The following FMNL2 variants were observed in gnomAD, a reference collection of about 807,000 sequenced individuals.
FMNL2 encodes formin-like protein 2.
Under a neutral mutation model 130.2 loss-of-function variants are expected in FMNL2, and 51 were observed. That is an observed-to-expected ratio of 0.39 (90% CI 0.31 to 0.49). FMNL2 has a LOEUF of 0.49. FMNL2 is among the 20% of genes least tolerant of loss of function. FMNL2 has a pLI of 0.85. For synonymous variants in FMNL2, 465 were observed against 467.1 expected (o/e 1.00, Z 0.06); for missense variants, 977 against 1,316.2 (o/e 0.74, Z 3.99).
intron 1 of FMNL2, among the ~76,000 whole-genome samples, chr2:152,363,300 A>G (rs1683290371): frequency 6.6e-6 from 1 of 152,254 alleles, no homozygotes; most frequent in Non-Finnish European, 1.5e-5. Flanking sequence ...TGTTTGGATT[A>G]TAACTAAATG....
intron 10 of FMNL2, among the ~76,000 whole-genome samples, chr2:152,610,195 A>G (rs1698601013): frequency 6.6e-6 from 1 of 152,196 alleles, no homozygotes; most frequent in Non-Finnish European, 1.5e-5. Flanking sequence ...ATTGTAGGTG[A>G]TTTAAATGTT....
intron 6 of FMNL2, among the ~76,000 whole-genome samples, chr2:152,566,372 G>T (rs544622158): frequency 2.3e-4 from 35 of 152,280 alleles, no homozygotes; most frequent in African/African-American, 6.3e-4. Context: ...GGCCTCGGGG[G>T]ATTTGCTGTT....
intron 1 of FMNL2, among the ~76,000 whole-genome samples, chr2:152,432,077 C>T (rs779320427): frequency 3.4e-5 from 5 of 148,152 alleles, no homozygotes; most frequent in Non-Finnish European, 5.9e-5. Flanking sequence ...TGTGTATATA[C>T]ACATACAATT....
At chr2:152,455,371 GAAAC>G (rs1688892034) in intron 1 of FMNL2, among the ~76,000 whole-genome samples, 1 of 152,126 alleles carries the variant, frequency 6.6e-6, no homozygotes, top group East Asian at 1.9e-4. Flanking sequence ...TGATGTGAAC[GAAAC>G]AAACAAATCA....
At position 152,626,676 on chromosome 2, in the gene FMNL2, C is replaced by G; in HGVS notation, c.2114C>G (p.Thr705Ser). The change falls in exon 17 of 26, where the codon ACT (threonine) becomes AGT (serine). Residue 705 changes from threonine (T) to serine (S), a missense_variant. By Grantham distance (58) the Thr-to-Ser change is moderately conservative. Around this residue, in one of 4 missense-constraint regions of FMNL2, gnomAD observed 689 missense variants for 995.9 expected, o/e 0.69. Coordinates refer to ENST00000288670, the MANE Select transcript of FMNL2 (RefSeq NM_052905.4). ...AACAGGGCCAAAAATCTTGCCATAA[C>G]TTTAAGGAAAGCTGGAAAGACTGCT... ...EANRAKNLAI[T>S]LRKAGKTADE... 1 of 1,613,014 alleles carries G rather than the reference C, an allele frequency of 6.2e-7. No individual in the cohort carries two copies. The highest frequency in any genetic ancestry group is 8.5e-7 in the Non-Finnish European group (1 of 1,179,530).
At chr2:152,603,764 G>A (rs1698215299) in intron 9 of FMNL2, among the ~76,000 whole-genome samples, 1 of 151,036 alleles carries the variant, frequency 6.6e-6, no homozygotes, top group African/African-American at 2.4e-5. Context: ...CACTTATGCA[G>A]GGGCAGTGGG....
At chr2:152,543,573 TTC>T (rs996116536) in intron 3 of FMNL2, among the ~76,000 whole-genome samples, 1 of 152,024 alleles carries the variant, frequency 6.6e-6, no homozygotes, top group Admixed American at 6.5e-5. Context: ...CTCAGGCTGA[TTC>T]TCTCTGTTGT....
intron 1 of FMNL2, among the ~76,000 whole-genome samples, chr2:152,472,022 T>C (rs907195868): frequency 6.6e-6 from 1 of 152,198 alleles, no homozygotes; most frequent in Non-Finnish European, 1.5e-5. Flanking sequence ...GAGACTGGAT[T>C]GTGCACTAGC....
At chr2:152,498,300 A>G (rs1470174246) in intron 1 of FMNL2, among the ~76,000 whole-genome samples, 1 of 152,170 alleles carries the variant, frequency 6.6e-6, no homozygotes, top group African/African-American at 2.4e-5. Flanking sequence ...TTGAAAAAGT[A>G]TTGTTATATT....
chr2:152,495,827 G>A (rs982868147), intron 1 of FMNL2, among the ~76,000 whole-genome samples: 1 of 144,480 alleles, frequency 6.9e-6, no homozygotes, highest in East Asian at 2.1e-4. Flanking sequence ...AGAGAATGAC[G>A]TGGATAGCTG....
chr2:152,593,871 G>A (rs1376170113), intron 9 of FMNL2, among the ~76,000 whole-genome samples: 24 of 86,854 alleles, frequency 2.8e-4, no homozygotes, highest in African/African-American at 1.1e-3. Context: ...GTGTGTGTGT[G>A]TGTGTGTGTG....
chr2:152,490,569 ATGTGTG>A (rs58838989), intron 1 of FMNL2, among the ~76,000 whole-genome samples: 7,242 of 108,480 alleles, frequency 0.067, 265 homozygotes, highest in African/African-American at 0.084. Context: ...TTGCTATCCA[ATGTGTG>A]TGTGTGTGTG....
At chr2:152,581,824 A>G (rs1002068192) in intron 9 of FMNL2, among the ~76,000 whole-genome samples, 1 of 152,222 alleles carries the variant, frequency 6.6e-6, no homozygotes, top group African/African-American at 2.4e-5. Context: ...CCAGGTTACA[A>G]TAGGACCCTT....
intron 2 of FMNL2, 71 bp from the exon 3 acceptor site, chr2:152,542,668 C>A: frequency 6.6e-7 from 1 of 1,516,144 alleles, no homozygotes; most frequent in Non-Finnish European, 9.1e-7. Context: ...ATTTTGGTAA[C>A]ATAATCTGAT....
intron 15 of FMNL2, chr2:152,620,943 G>A (rs143486530): frequency 1.3e-5 from 13 of 985,320 alleles, no homozygotes; most frequent in East Asian, 1.1e-4. Context: ...GATCTTCCCC[G>A]TCTACCACTT....
At chr2:152,548,020 G>A (rs1314180309) in intron 3 of FMNL2, among the ~76,000 whole-genome samples, 3 of 152,180 alleles carry the variant, frequency 2.0e-5, no homozygotes, top group African/African-American at 7.2e-5. Flanking sequence ...CTAGAGAGGT[G>A]TATATTAACA....
intron 1 of FMNL2, among the ~76,000 whole-genome samples, chr2:152,411,798 A>G (rs1447199983): frequency 6.6e-6 from 1 of 152,204 alleles, no homozygotes; most frequent in African/African-American, 2.4e-5. Flanking sequence ...CTGGGAGCTG[A>G]GCACATGGTA....
At chr2:152,375,897 A>ATATATATATATATATATAT (rs1553871972) in intron 1 of FMNL2, among the ~76,000 whole-genome samples, 1 of 119,886 alleles carries the variant, frequency 8.3e-6, no homozygotes, top group Non-Finnish European at 1.8e-5. Context: ...ATATATATAT[A>ATATATATATATATATATAT]ATTATTATTA....
At chr2:152,601,088 A>G (rs1698022978) in intron 9 of FMNL2, among the ~76,000 whole-genome samples, 1 of 152,102 alleles carries the variant, frequency 6.6e-6, no homozygotes, top group East Asian at 1.9e-4. Flanking sequence ...TTTTCCCCTC[A>G]AAAGCAATCT....
Sources: allele counts gnomAD v4.1 joint callset (sites outside exome capture counted in the v4.1 genomes callset), GRCh38; gene constraint gnomAD v4.1.1; regional missense constraint gnomAD v4.1.1; transcripts MANE v1.5; gene names NCBI Gene and HGNC (gene_info 2026-07-23, HGNC 2026-07-21).